Variants in RPS5 observed in about 807,000 individuals in gnomAD.
The protein encoded by RPS5 is small ribosomal subunit protein uS7.
In RPS5, 2 loss-of-function variants were observed where a neutral mutation model predicts 20.9. That is an observed-to-expected ratio of 0.10 (90% confidence interval 0.04 to 0.30). RPS5 has a LOEUF of 0.30. Ranked by LOEUF, RPS5 falls within the 10% of genes least tolerant of loss-of-function variation. The pLI is 1.00. For synonymous variants in RPS5, 112 were observed against 105.8 expected, an observed-to-expected ratio of 1.06 and a Z score of -0.36; for missense variants, 122 against 287.2, an observed-to-expected ratio of 0.42 and a Z score of 4.16.
chr19:58,393,681 G>A, intron 4 of RPS5, 194 bp downstream of exon 4: 2 of 627,560 alleles, frequency 3.2e-6, no homozygotes, highest in Non-Finnish European at 5.4e-6. Flanking sequence ...AACACATTTG[G>A]CAGAGGTCTT....
intron 2 of RPS5, among the ~76,000 whole-genome samples, chr19:58,392,763 TACTTTTTAGCG>T (rs2052372041): frequency 6.6e-6 from 1 of 152,106 alleles, no homozygotes; most frequent in South Asian, 2.1e-4. Flanking sequence ...GAAGGAAGTG[TACTTTTTAGCG>T]ACTTGGTAAA....
Position 58,388,517 on chromosome 19 carries a change from C to T in RPS5, c.108+272C>T, listed in dbSNP as rs1226683323. 8.9e-5 allele frequency: 46 copies of T among 515,296 alleles called. 1 individual carries two copies. In the South Asian group the frequency reaches 1.2e-3, roughly 13 times the overall value. 31.9% of individuals were successfully genotyped at this position (515,296 alleles called of 1,614,324 possible). A position where few individuals can be genotyped will look rare whatever the true frequency, so the allele number is the denominator to read the frequency against. On this transcript the variant is annotated intron_variant, in intron 2 of 5. Transcript: ENST00000196551. ...ACTGTTTTTGTAGTAAAATACATAA[C>T]ATCCAGTGTCATTCTTTTGCATGTG... is the stretch of plus-strand genomic sequence containing the variant.
At position 58,393,196 on chromosome 19, in the gene RPS5, G is replaced by C. The variant is rs2052375154; in HGVS notation, c.318+11G>C. On this transcript the variant is annotated intron_variant, in intron 3 of 5. Coordinates refer to ENST00000196551, the MANE Select transcript of RPS5 (RefSeq NM_001009.4). ...CTGCTCACAGGCGAGGTAGGGCTCT[G>C]TGGCCTGGTGAGGGCAGGCTGTGCC... is the stretch of plus-strand genomic sequence containing the variant. 6.2e-7 allele frequency: 1 copy of C among 1,614,070 alleles called. No individual in the cohort carries two copies. Among genetic ancestry groups the C allele is most frequent in the Non-Finnish European group, 8.5e-7 (1 of 1,180,018 alleles).
intron 4 of RPS5, 80 bp downstream of exon 4, chr19:58,393,567 CCT>C (rs2052377672): frequency 2.0e-6 from 3 of 1,524,070 alleles, no homozygotes; most frequent in Non-Finnish European, 2.6e-6. Flanking sequence ...CAGGAAGGCT[CCT>C]CTCTGTCTGC....
intron 2 of RPS5, among the ~76,000 whole-genome samples, chr19:58,389,868 C>T (rs2052352039): frequency 6.6e-6 from 1 of 151,612 alleles, no homozygotes; most frequent in African/African-American, 2.4e-5. Flanking sequence ...AACTCCTGAC[C>T]TCATGATCTG....
chr19:58,391,616 CAAAA>C (rs764821023), intron 2 of RPS5, among the ~76,000 whole-genome samples: 1 of 150,732 alleles, frequency 6.6e-6, no homozygotes, highest in Non-Finnish European at 1.5e-5. Context: ...AACAAACAAA[CAAAA>C]AACCCAAAAA....
chr19:58,392,289 A>G (rs981161897), intron 2 of RPS5, among the ~76,000 whole-genome samples: 1 of 151,468 alleles, frequency 6.6e-6, no homozygotes, highest in African/African-American at 2.4e-5. Context: ...GCGCCACTGC[A>G]CTCCAGCCTG....
At chr19:58,388,635 A>ATTTT in intron 2 of RPS5, 27 of 200,488 alleles carry the variant, frequency 1.3e-4, no homozygotes, top group Middle Eastern at 1.4e-3. Context: ...AGCTGGCCGT[A>ATTTT]GTTTTTTTTT....
intron 2 of RPS5, 54 bp from the exon 3 acceptor site, chr19:58,392,922 G>T: frequency 1.3e-6 from 2 of 1,557,838 alleles, no homozygotes; most frequent in South Asian, 2.3e-5. Context: ...TCTGGCCAAC[G>T]CCCATGCTGC....
At chr19:58,392,457 T>C (rs1032892791) in intron 2 of RPS5, among the ~76,000 whole-genome samples, 5 of 152,038 alleles carry the variant, frequency 3.3e-5, no homozygotes, top group Admixed American at 6.6e-5. Flanking sequence ...AACCTGTCTC[T>C]ACTAAAAATA....
At position 58,391,432 on chromosome 19, in the gene RPS5, CA is replaced by C. The variant is rs35576516; in HGVS notation, c.109-1524del. The stretch of plus-strand genomic sequence containing the variant: ...GGCCAACAAGAGCGAAACTCCATCT[CA>C]AAAAAAAAAAAAAAAAAAACTGGGC... On this transcript the variant is annotated intron_variant, in intron 2 of 5. Transcript: ENST00000196551. Among the ~76,000 whole-genome samples the C allele has an allele frequency of 6.9e-3, 526 of 75,974 alleles. 1 individual carries two copies. Among genetic ancestry groups the C allele is most frequent in the Non-Finnish European group, 7.9e-3 (329 of 41,542 alleles). The allele number at this position is 75,974 out of a possible 152,430, so 49.8% of individuals were successfully genotyped here.
intron 2 of RPS5, 58 bp from the exon 3 acceptor site, chr19:58,392,918 C>G: frequency 1.3e-6 from 2 of 1,540,686 alleles, no homozygotes; most frequent in Non-Finnish European, 1.8e-6. Flanking sequence ...GGTGTCTGGC[C>G]AACGCCCATG....
At position 58,394,575 on chromosome 19, in the gene RPS5, G is replaced by T; in HGVS notation, c.526G>T (p.Glu176Ter). Residue 176 changes from glutamate to a stop codon, truncating the protein, a stop_gained, in exon 5 of 6, where the codon GAG becomes TAG. Transcript: ENST00000196551. LOFTEE classifies it high-confidence loss of function. The part of the protein sequence containing the change: ...IKTIAECLAD[E>*]LINAAKGSSN... ...GACCATTGCTGAGTGCCTGGCAGAT[G>T]AGCTCATCAATGCTGCCAAGGTGGG... 6.2e-7 allele frequency: 1 copy of T among 1,614,142 alleles called. No individual in the cohort carries two copies. The highest frequency in any genetic ancestry group is 1.1e-5 in the South Asian group (1 of 91,082).
intron 4 of RPS5, chr19:58,394,259 G>T (rs745536832): frequency 1.1e-5 from 6 of 537,010 alleles, no homozygotes; most frequent in Non-Finnish European, 1.7e-5. Flanking sequence ...GCAGTTTGCT[G>T]TTGAGGCAGG....
intron 2 of RPS5, among the ~76,000 whole-genome samples, chr19:58,388,852 A>G (rs1040932701): frequency 4.0e-5 from 6 of 151,578 alleles, no homozygotes; most frequent in Admixed American, 2.0e-4. Context: ...GATGGTCTCG[A>G]TCTCCTGACC....
chr19:58,390,776 C>G (rs1210584311), intron 2 of RPS5, among the ~76,000 whole-genome samples: 1 of 152,138 alleles, frequency 6.6e-6, no homozygotes, highest in Non-Finnish European at 1.5e-5. Flanking sequence ...CAAACCCTTC[C>G]TGGGGAATTT....
intron 2 of RPS5, among the ~76,000 whole-genome samples, chr19:58,392,339 A>T (rs1423411182): frequency 1.7e-4 from 25 of 150,356 alleles, no homozygotes; most frequent in Admixed American, 1.6e-3. Flanking sequence ...GGAAAAAAAA[A>T]ACTAGGCCAG....
chr19:58,388,583 T>A (rs2122155929), intron 2 of RPS5: 1 of 419,410 alleles, frequency 2.4e-6, no homozygotes. Flanking sequence ...AGAGATGTTT[T>A]TTTTCCCTCA....
intron 2 of RPS5, among the ~76,000 whole-genome samples, chr19:58,390,995 T>A (rs117177814): frequency 2.7e-3 from 416 of 152,326 alleles, no homozygotes; most frequent in Middle Eastern, 6.8e-3. Flanking sequence ...TTGGGTACAT[T>A]TTGTAATGGA....
Sources: gnomAD v4.1 joint callset for allele counts (sites outside exome capture counted in the v4.1 genomes callset) on GRCh38, gnomAD v4.1.1 for gene constraint, MANE v1.5 for transcripts, NCBI Gene and HGNC (gene_info 2026-07-23, HGNC 2026-07-21) for gene names.